GTF3C1: variants seen among roughly 807,000 people sequenced by gnomAD.
The protein encoded by GTF3C1 is general transcription factor IIIC subunit 1.
A neutral mutation model predicts 226.7 loss-of-function variants in GTF3C1; 57 were observed. The ratio of observed to expected loss-of-function variants is 0.25; its 90% CI spans 0.20 to 0.31. GTF3C1 has a LOEUF of 0.31. GTF3C1 is among the 10% of genes least tolerant of loss of function. The probability of loss-of-function intolerance (pLI) is 1.00; values close to 1 mark genes in which losing one functional copy is unlikely to be tolerated. For missense variants in GTF3C1, 2,217 were observed against 2,776.1 expected (o/e 0.80, Z 4.53); for synonymous variants, 1,090 against 1,084.8 (o/e 1.00, Z -0.09).
rs762167265 is a variant in GTF3C1 at position 27,471,717 on chromosome 16, G to A, written c.4526+31C>T. 22 of 1,568,990 alleles carry A rather than the reference G, an allele frequency of 1.4e-5. No homozygotes were observed. Among genetic ancestry groups the A allele is most frequent in the South Asian group, 5.6e-5 (5 of 90,044 alleles). On this transcript the variant is annotated intron_variant, in intron 30 of 36. Coordinates refer to ENST00000356183, the MANE Select transcript of GTF3C1 (RefSeq NM_001520.4). This position sits in a 1 kb window ranked among gnomAD's most constrained non-coding sequence, Gnocchi z 5.0. ...TACAGACAGGGCGTGGCTCCACCTC[G>A]GAGTACCCAAGGCTCCTGACAGGTA...
chr16:27,491,443 T>TGCGACACATC (rs961828730), intron 19 of GTF3C1, among the ~76,000 whole-genome samples: 1 of 152,176 alleles, frequency 6.6e-6, no homozygotes, highest in Non-Finnish European at 1.5e-5. Context: ...CCCGACACTT[T>TGCGACACATC]GCGACACATC....
chr16:27,524,985 C>T (rs2088807455), intron 6 of GTF3C1, among the ~76,000 whole-genome samples: 1 of 152,122 alleles, frequency 6.6e-6, no homozygotes, highest in Non-Finnish European at 1.5e-5. Context: ...AAAACCCCAT[C>T]TCTACTAAAA....
chr16:27,532,902 G>A (rs1016537465), intron 5 of GTF3C1, among the ~76,000 whole-genome samples: 2 of 152,174 alleles, frequency 1.3e-5, no homozygotes, highest in Non-Finnish European at 1.5e-5. Context: ...GGGAAGCTGA[G>A]ACAGAAGGAT....
At chr16:27,536,012 G>C (rs1007854943) in intron 4 of GTF3C1, among the ~76,000 whole-genome samples, 24 of 152,222 alleles carry the variant, frequency 1.6e-4, no homozygotes, top group African/African-American at 5.8e-4. Flanking sequence ...TCAAGAAAAA[G>C]TTAAATTGCT....
At chr16:27,518,724 G>A (rs1036946390) in intron 6 of GTF3C1, among the ~76,000 whole-genome samples, 1 of 152,158 alleles carries the variant, frequency 6.6e-6, no homozygotes, top group Non-Finnish European at 1.5e-5. Context: ...TGTGAGAGAG[G>A]CCGTCGGGCA....
rs575005229 is a variant in GTF3C1, at chr16:27,461,126, G to C, written c.*224C>G. ...GTGTGATGAGGCCAGTTCCCAAGGG[G>C]AAGGCCCAGAAGAGCCTGGGGGATG... On this transcript the variant is annotated 3_prime_UTR_variant, in exon 37 of 37. Transcript: ENST00000356183. The surrounding 1 kb of genome is among the most constrained non-coding windows in gnomAD (Gnocchi z 5.3). 4.0e-6 allele frequency: 2 copies of C among 495,932 alleles called. No homozygotes were observed. Among genetic ancestry groups the C allele is most frequent in the Non-Finnish European group, 7.2e-6 (2 of 276,522 alleles). The allele number at this position is 495,932 out of a possible 1,614,324, so 30.7% of individuals were successfully genotyped here. A position where few individuals can be genotyped will look rare whatever the true frequency, so the allele number is the denominator to read the frequency against.
chr16:27,535,023 C>T (rs1567414069), intron 4 of GTF3C1, among the ~76,000 whole-genome samples: 2 of 152,000 alleles, frequency 1.3e-5, no homozygotes, highest in Non-Finnish European at 2.9e-5. Context: ...GTGGATACTA[C>T]TTTATTTTAT....
At chr16:27,506,148 AG>A (rs761320603) in intron 9 of GTF3C1, 32 bp from the exon 10 acceptor site, 136 of 1,305,602 alleles carry the variant, frequency 1.0e-4, no homozygotes, top group Non-Finnish European at 4.3e-5. Flanking sequence ...GAACAAATCA[AG>A]GGGGAGGCCA....
At chr16:27,498,386 A>G (rs1168377646) in intron 13 of GTF3C1, among the ~76,000 whole-genome samples, 1 of 152,226 alleles carries the variant, frequency 6.6e-6, no homozygotes, top group Non-Finnish European at 1.5e-5. Flanking sequence ...TCAGAGGCCT[A>G]TGATGGGGAG....
intron 2 of GTF3C1, among the ~76,000 whole-genome samples, chr16:27,542,392 C>G (rs1391377952): frequency 6.6e-6 from 1 of 152,104 alleles, no homozygotes; most frequent in Non-Finnish European, 1.5e-5. Flanking sequence ...GAAACCCCAT[C>G]TCTACTAAAA....
Position 27,488,392 on chromosome 16 carries a change from C to G in GTF3C1, c.3535G>C (p.Gly1179Arg). 6.2e-7 allele frequency: 1 copy of G among 1,613,084 alleles called. No homozygotes were observed. The highest frequency in any genetic ancestry group is 8.5e-7 in the Non-Finnish European group (1 of 1,179,052). ...ARGNSRLNIW[G>R]EARVGSELCA... ...AGCTCGGAGCCTACTCTTGCTTCCC[C>G]CCAAATATTCAACCTGCTGTTGCCT... Residue 1179 changes from glycine (G) to arginine (R), a missense_variant, in exon 23 of 37, where the codon GGG becomes CGG. This residue lies in a region of GTF3C1 where 546 missense variants were observed against 663.0 expected (regional missense o/e 0.82). Coordinates refer to ENST00000356183, the MANE Select transcript of GTF3C1 (RefSeq NM_001520.4).
At position 27,497,539 on chromosome 16, in the gene GTF3C1, G is replaced by A. The variant is rs75616489; in HGVS notation, c.2350+98C>T. ...GCTCAGACGCGATTCTTCTGACTGC[G>A]GCTCGGAGCTCAAATGGAGAGGACC... On this transcript the variant is annotated intron_variant, in intron 14 of 36. Coordinates refer to ENST00000356183, the MANE Select transcript of GTF3C1 (RefSeq NM_001520.4). 3.5e-5 allele frequency: 32 copies of A among 916,754 alleles called. No individual in the cohort carries two copies. The East Asian group carries it at 5.4e-4, about 15-fold the overall frequency. The allele number at this position is 916,754 out of a possible 1,614,324, so 56.8% of individuals were successfully genotyped here.
At chr16:27,488,016 GGGGAAGCATAC>G (rs1739244961) in intron 23 of GTF3C1, among the ~76,000 whole-genome samples, 200 bp downstream of exon 23, 1 of 152,110 alleles carries the variant, frequency 6.6e-6, no homozygotes, top group Admixed American at 6.5e-5. Flanking sequence ...GGAGAAAGCA[GGGGAAGCATAC>G]GGGATATTCG....
Position 27,537,917 on chromosome 16 carries a change from C to T in GTF3C1, c.619G>A (p.Gly207Arg). Residue 207 changes from glycine (G) to arginine (R), a missense_variant, in exon 4 of 37, where the codon GGG (glycine) becomes AGG (arginine). Transcript: ENST00000356183. ...LHTTAFKVDAGKLHYHRKILN... is the reference protein window; with the variant it reads ...LHTTAFKVDARKLHYHRKILN... ...ATTTTTCTGTGATAGTGCAGCTTCC[C>T]AGCATCAACCCTGGAGGAAAAGAGG... 6.2e-7 allele frequency: 1 copy of T among 1,613,974 alleles called. No homozygotes were observed. Among genetic ancestry groups the T allele is most frequent in the African/African-American group, 1.3e-5 (1 of 75,010 alleles).
At position 27,463,829 on chromosome 16, in the gene GTF3C1, C is replaced by A; in HGVS notation, c.5873-237G>T. On this transcript the variant is annotated intron_variant, in intron 34 of 36. Coordinates refer to ENST00000356183, the MANE Select transcript of GTF3C1 (RefSeq NM_001520.4). The surrounding 1 kb of genome is among the most constrained non-coding windows in gnomAD (Gnocchi z 4.9). ...CAGCGTCCCAGGCCCGGACAAGCCC[C>A]ACATTGCAGGAAGCCAGCGAACACC... The A allele has an allele frequency of 1.8e-6, 1 of 541,414 alleles. No individual in the cohort carries two copies. Among genetic ancestry groups the A allele is most frequent in the Non-Finnish European group, 3.2e-6 (1 of 309,530 alleles). The allele number at this position is 541,414 out of a possible 1,614,324, so 33.5% of individuals were successfully genotyped here.
intron 6 of GTF3C1, among the ~76,000 whole-genome samples, chr16:27,520,777 A>C (rs2141426226): frequency 6.6e-6 from 1 of 152,110 alleles, no homozygotes; most frequent in East Asian, 2.0e-4. Context: ...TGGAGAACAG[A>C]GGTGTGATCT....
chr16:27,469,439 G>T lies in GTF3C1; in HGVS notation c.4926C>A (p.His1642Gln). The change falls in exon 32 of 37, where the codon CAC becomes CAA. Residue 1642 changes from histidine to glutamine, a missense_variant. Physicochemically the swap from His to Gln is conservative, Grantham distance 24 (BLOSUM62 0). Transcript: ENST00000356183. The surrounding 1 kb of genome is among the most constrained non-coding windows in gnomAD (Gnocchi z 4.5). ...SMEVKPAQASHTNYLLMRGYY... is the reference protein window; with the variant it reads ...SMEVKPAQASQTNYLLMRGYY... ...AGCCCCTCATCAGCAGGTAGTTGGT[G>T]TGGGAGGCTTGCGCAGGTTTCACCT... 1 of 1,614,192 alleles carries T rather than the reference G, an allele frequency of 6.2e-7. No individual in the cohort carries two copies. Among genetic ancestry groups the T allele is most frequent in the Non-Finnish European group, 8.5e-7 (1 of 1,180,010 alleles).
At chr16:27,511,680 G>A in intron 7 of GTF3C1, 69 bp downstream of exon 7, 1 of 1,526,914 alleles carries the variant, frequency 6.5e-7, no homozygotes, top group Non-Finnish European at 9.0e-7. Context: ...CTCTCGACAT[G>A]TGGGCAAAGC....
At chr16:27,489,274 A>G in intron 20 of GTF3C1, 96 bp from the exon 21 acceptor site, 1 of 1,384,510 alleles carries the variant, frequency 7.2e-7, no homozygotes, top group African/African-American at 1.4e-5. Flanking sequence ...TTTATAACCA[A>G]CTTTCACCTT....
Sources: allele counts gnomAD v4.1 joint callset (sites outside exome capture counted in the v4.1 genomes callset), GRCh38; gene constraint gnomAD v4.1.1; regional missense constraint gnomAD v4.1.1; non-coding constraint Gnocchi (gnomAD v3.1); transcripts MANE v1.5; gene names NCBI Gene and HGNC (gene_info 2026-07-23, HGNC 2026-07-21).